The following DGKB variants were observed in gnomAD, a reference collection of about 807,000 sequenced individuals.
DGKB encodes the protein 90 kDa diacylglycerol kinase.
In DGKB, 67 loss-of-function variants were observed where a neutral mutation model predicts 114.3. That is an observed-to-expected ratio of 0.59 (90% CI 0.48 to 0.72). The LOEUF (loss-of-function observed/expected upper bound fraction) is 0.72. Ranked by LOEUF, DGKB falls within the 30% of genes least tolerant of loss-of-function variation. DGKB has a pLI of 0.00. For missense variants in DGKB, 907 were observed against 975.2 expected, an observed-to-expected ratio of 0.93 and a Z score of 0.93; for synonymous variants, 398 against 323.1, an observed-to-expected ratio of 1.23 and a Z score of -2.49.
intron 14 of DGKB, among the ~76,000 whole-genome samples, chr7:14,628,307 A>ATGTG (rs139191761): frequency 1.3e-5 from 2 of 150,574 alleles, no homozygotes; most frequent in East Asian, 2.0e-4. Flanking sequence ...AACACAAGTT[A>ATGTG]TGTGTGTGTG....
At chr7:14,718,801 T>A (rs1828667714) in intron 5 of DGKB, 116 bp from the exon 6 acceptor site, 2 of 747,070 alleles carry the variant, frequency 2.7e-6, no homozygotes, top group Non-Finnish European at 4.3e-6. Flanking sequence ...TTTTTAGGCA[T>A]AGAATAACCA....
chr7:14,799,596 G>A (rs1453256132), intron 2 of DGKB, among the ~76,000 whole-genome samples: 2 of 152,218 alleles, frequency 1.3e-5, no homozygotes, highest in South Asian at 2.1e-4. Flanking sequence ...AAAAGTTGTT[G>A]CATTTGGCTC....
chr7:14,354,290 A>G (rs979189127), intron 21 of DGKB, among the ~76,000 whole-genome samples: 2 of 152,360 alleles, frequency 1.3e-5, no homozygotes, highest in South Asian at 2.1e-4. Context: ...ATATTCATAA[A>G]TAAAAAGTGT....
chr7:14,399,826 A>C (rs1431369487), intron 21 of DGKB, among the ~76,000 whole-genome samples: 1 of 151,870 alleles, frequency 6.6e-6, no homozygotes, highest in African/African-American at 2.4e-5. Flanking sequence ...GACTATTCTG[A>C]AGCCTTTGAA....
intron 20 of DGKB, among the ~76,000 whole-genome samples, chr7:14,479,321 T>C (rs1431521993): frequency 6.6e-6 from 1 of 152,144 alleles, no homozygotes; most frequent in Non-Finnish European, 1.5e-5. Flanking sequence ...TAACAAAGCA[T>C]GAAGCACAAA....
intron 21 of DGKB, among the ~76,000 whole-genome samples, chr7:14,369,191 T>G (rs1817209842): frequency 6.6e-6 from 1 of 152,048 alleles, no homozygotes; most frequent in African/African-American, 2.4e-5. Context: ...TGTTCCTGTG[T>G]TAGTTTTCTG....
At chr7:14,462,665 C>G (rs1269702692) in intron 21 of DGKB, among the ~76,000 whole-genome samples, 1 of 152,152 alleles carries the variant, frequency 6.6e-6, no homozygotes, top group Non-Finnish European at 1.5e-5. Flanking sequence ...GGCCATACTG[C>G]CCAAAGTAAT....
At chr7:14,653,437 T>G (rs1005930927) in intron 13 of DGKB, among the ~76,000 whole-genome samples, 18 of 151,372 alleles carry the variant, frequency 1.2e-4, no homozygotes, top group Admixed American at 7.3e-4. Flanking sequence ...TTCTCACTCA[T>G]AGGTGGGAAT....
At position 14,719,163 on chromosome 7, in the gene DGKB, A is replaced by G. The variant is rs186446573; in HGVS notation, c.323-478T>C. On this transcript the variant is annotated intron_variant, in intron 5 of 25. Transcript: ENST00000402815. ...ATAAAGTCATATATTTGTTTCAAAT[A>G]TTTGCCAATACCATGAAGAAGACAT... 6.2e-4 allele frequency among the ~76,000 whole-genome samples: 95 copies of G among 152,316 alleles called. 1 individual carries two copies. Among genetic ancestry groups the G allele is most frequent in the Non-Finnish European group, 4.3e-4 (29 of 68,026 alleles).
intron 20 of DGKB, among the ~76,000 whole-genome samples, chr7:14,514,912 T>C (rs1584499853): frequency 6.6e-6 from 1 of 151,806 alleles, no homozygotes; most frequent in South Asian, 2.1e-4. Context: ...AATTGGCCAG[T>C]GGTAGTCCGC....
intron 21 of DGKB, among the ~76,000 whole-genome samples, chr7:14,393,047 G>C (rs1011338621): frequency 8.9e-6 from 1 of 112,614 alleles, no homozygotes. Flanking sequence ...GGAGTGCAGT[G>C]GCACGATCTC....
At chr7:14,412,446 A>G (rs1825043567) in intron 21 of DGKB, among the ~76,000 whole-genome samples, 1 of 152,204 alleles carries the variant, frequency 6.6e-6, no homozygotes, top group South Asian at 2.1e-4. Context: ...GAAATCTGCA[A>G]AAAGTGCAAG....
chr7:14,919,095 A>ACAAACACACACACAC (rs1554345122), intron 1 of DGKB, among the ~76,000 whole-genome samples: 40 of 114,964 alleles, frequency 3.5e-4, no homozygotes, highest in South Asian at 3.0e-3. Context: ...CACACACACA[A>ACAAACACACACACAC]ACACACACAC....
Position 14,326,807 on chromosome 7 carries a change from A to G in DGKB, c.2122+11708T>C, listed in dbSNP as rs545899060. ...TTTTCTGATTAGGGCTTTCAAAATA[A>G]TTTGTGTTCAAGTATGTTTTTATTC... is the stretch of plus-strand genomic sequence containing the variant. On this transcript the variant is annotated intron_variant, in intron 23 of 25. Transcript: ENST00000402815. Among the ~76,000 whole-genome samples, 11 of 152,200 alleles carry G rather than the reference A, an allele frequency of 7.2e-5. No homozygotes were observed. The South Asian group carries it at 2.3e-3, about 32-fold the overall frequency.
intron 2 of DGKB, among the ~76,000 whole-genome samples, chr7:14,797,233 A>T (rs983916511): frequency 2.0e-5 from 3 of 152,144 alleles, no homozygotes; most frequent in African/African-American, 7.2e-5. Flanking sequence ...ATCATTTCCC[A>T]TATTTGAGCC....
intron 13 of DGKB, among the ~76,000 whole-genome samples, chr7:14,637,100 C>G (rs1035423715): frequency 2.6e-5 from 4 of 151,888 alleles, no homozygotes; most frequent in African/African-American, 9.7e-5. Flanking sequence ...AGCTATTCAT[C>G]TTTATTTCTC....
intron 21 of DGKB, among the ~76,000 whole-genome samples, chr7:14,458,975 C>T (rs1336444449): frequency 6.6e-6 from 1 of 152,186 alleles, no homozygotes; most frequent in Non-Finnish European, 1.5e-5. Context: ...GCTGTCAGCA[C>T]AGCAGTCTGA....
chr7:14,663,599 T>C (rs937270434), intron 13 of DGKB, among the ~76,000 whole-genome samples: 2 of 144,190 alleles, frequency 1.4e-5, no homozygotes, highest in Non-Finnish European at 3.1e-5. Context: ...CCTTCTCTTC[T>C]TTCTTTTCTT....
At chr7:14,901,002 A>G (rs1782955518) in intron 1 of DGKB, among the ~76,000 whole-genome samples, 1 of 152,146 alleles carries the variant, frequency 6.6e-6, no homozygotes, top group South Asian at 2.1e-4. Flanking sequence ...AAAATTTTTA[A>G]CCACCCTCAT....
Sources: gnomAD v4.1 joint callset for allele counts (sites outside exome capture counted in the v4.1 genomes callset) on GRCh38, gnomAD v4.1.1 for gene constraint, MANE v1.5 for transcripts, NCBI Gene and HGNC (gene_info 2026-07-23, HGNC 2026-07-21) for gene names.